The following DNAJC13 variants were observed in gnomAD, a reference collection of about 807,000 sequenced individuals.
DNAJC13 encodes dnaJ homolog subfamily C member 13.
DNAJC13 carries 75 observed loss-of-function variants against 290.5 expected under a neutral mutation model. The observed-to-expected ratio is 0.26, with a 90% CI of 0.21 to 0.31. The LOEUF (loss-of-function observed/expected upper bound fraction) is 0.31, where lower values mean the gene tolerates loss of function less well. Ranked by LOEUF, DNAJC13 falls within the 10% of genes least tolerant of loss-of-function variation. The pLI, the probability that DNAJC13 is intolerant of heterozygous loss-of-function variation, is 1.00. For missense variants in DNAJC13, 2,260 were observed against 2,674.5 expected (o/e 0.85, Z 3.42); for synonymous variants, 862 against 892.0 (o/e 0.97, Z 0.60).
chr3:132,453,566 C>A (rs1230825187), intron 7 of DNAJC13, 33 bp from the exon 8 acceptor site: 1 of 1,608,180 alleles, frequency 6.2e-7, no homozygotes, highest in Non-Finnish European at 8.5e-7. Context: ...TAAAAAATAA[C>A]TTCTTAATAT....
At position 132,483,553 on chromosome 3, in the gene DNAJC13, C is replaced by T; in HGVS notation, c.3158C>T (p.Thr1053Ile). 1 of 1,614,030 alleles carries T rather than the reference C, an allele frequency of 6.2e-7. No homozygotes were observed. The highest frequency in any genetic ancestry group is 8.5e-7 in the Non-Finnish European group (1 of 1,179,946). ...ACCCTTATATTGAACATGTTGATCACAATGTGTGGATATTTTCCAAGCAGG... is the reference window on the plus strand; with the variant it reads ...ACCCTTATATTGAACATGTTGATCATAATGTGTGGATATTTTCCAAGCAGG... The part of the protein sequence containing the change: ...LATLILNMLI[T>I]MCGYFPSRDQ... Residue 1053 changes from threonine to isoleucine, a missense_variant, in exon 28 of 56, where the codon ACA becomes ATA. Physicochemically the swap from Thr to Ile is moderately conservative, Grantham distance 89 (BLOSUM62 -1). This residue lies in a region of DNAJC13 where 1,494 missense variants were observed against 1,693.7 expected (regional missense o/e 0.88). Transcript: ENST00000260818.
chr3:132,524,238 C>T (rs566679902), intron 51 of DNAJC13, among the ~76,000 whole-genome samples: 71 of 152,222 alleles, frequency 4.7e-4, no homozygotes, highest in African/African-American at 1.6e-3. Flanking sequence ...AGCCAAATAC[C>T]GTGATAGTAT....
intron 46 of DNAJC13, among the ~76,000 whole-genome samples, chr3:132,515,791 C>A (rs939778032): frequency 6.6e-6 from 1 of 152,172 alleles, no homozygotes; most frequent in African/African-American, 2.4e-5. Flanking sequence ...TACATTGTTA[C>A]TGTTCTTGTT....
intron 49 of DNAJC13, 63 bp downstream of exon 49, chr3:132,523,060 T>C (rs1335020437): frequency 6.3e-7 from 1 of 1,599,506 alleles, no homozygotes; most frequent in African/African-American, 1.3e-5. Flanking sequence ...AGGGCAAACA[T>C]TTCTTACTGT....
At chr3:132,484,272 GC>G (rs1402284498) in intron 28 of DNAJC13, 4 of 392,722 alleles carry the variant, frequency 1.0e-5, no homozygotes, top group African/African-American at 8.4e-5. Flanking sequence ...AGTTTGATAA[GC>G]CCTTTGGGGG....
chr3:132,507,932 G>A (rs1474506877), intron 43 of DNAJC13, among the ~76,000 whole-genome samples: 1 of 151,986 alleles, frequency 6.6e-6, no homozygotes, highest in African/African-American at 2.4e-5. Flanking sequence ...GGTTAAATAG[G>A]CCGAAAGCTA....
chr3:132,531,150 C>A, intron 55 of DNAJC13, 53 bp downstream of exon 55: 1 of 1,499,942 alleles, frequency 6.7e-7, no homozygotes, highest in Non-Finnish European at 9.3e-7. Flanking sequence ...GCCACTTGGA[C>A]CTTCCTTTTG....
intron 48 of DNAJC13, among the ~76,000 whole-genome samples, chr3:132,522,102 CA>C (rs1936109066): frequency 6.6e-6 from 1 of 152,076 alleles, no homozygotes; most frequent in Non-Finnish European, 1.5e-5. Flanking sequence ...TGTTATGTGC[CA>C]GGGGCTGAGA....
chr3:132,491,470 C>G (rs1197985633), intron 32 of DNAJC13, among the ~76,000 whole-genome samples: 1 of 151,934 alleles, frequency 6.6e-6, no homozygotes, highest in Non-Finnish European at 1.5e-5. Context: ...TGAATCAGAA[C>G]AGAGATACCC....
chr3:132,531,425 CAG>C (rs1288265637), intron 55 of DNAJC13, among the ~76,000 whole-genome samples: 3 of 152,112 alleles, frequency 2.0e-5, no homozygotes, highest in African/African-American at 7.2e-5. Context: ...TGAGGAATAT[CAG>C]TGTCAGAAAC....
intron 32 of DNAJC13, 28 bp downstream of exon 32, chr3:132,491,079 G>C (rs763781880): frequency 1.9e-6 from 3 of 1,550,458 alleles, no homozygotes; most frequent in Non-Finnish European, 2.6e-6. Flanking sequence ...TGATTGATTT[G>C]TATTTTATAA....
intron 6 of DNAJC13, 120 bp downstream of exon 6, chr3:132,450,967 A>T (rs1933398967): frequency 1.7e-6 from 1 of 580,178 alleles, no homozygotes; most frequent in Non-Finnish European, 2.9e-6. Context: ...GAAGTATAAT[A>T]GTCCAGGTTT....
In DNAJC13 at chr3:132,530,980, C is replaced by T; in HGVS notation, c.6526-18C>T. 1.2e-6 allele frequency: 2 copies of T among 1,604,894 alleles called. No individual in the cohort carries two copies. The highest frequency in any genetic ancestry group is 1.1e-5 in the South Asian group (1 of 90,728). ...AGTCCTTGATTTTATGTTCAAAGGGCTTGTTTTACTTTCCTAGGTGAATGA... is the reference window on the plus strand; with the variant it reads ...AGTCCTTGATTTTATGTTCAAAGGGTTTGTTTTACTTTCCTAGGTGAATGA... On this transcript the variant is annotated intron_variant, in intron 54 of 55. Transcript: ENST00000260818.
At chr3:132,422,090 A>G (rs924739947) in intron 1 of DNAJC13, among the ~76,000 whole-genome samples, 3 of 151,148 alleles carry the variant, frequency 2.0e-5, no homozygotes, top group Admixed American at 1.3e-4. Flanking sequence ...GAATGCAGTG[A>G]CACGATCATA....
intron 44 of DNAJC13, 59 bp downstream of exon 44, chr3:132,511,303 C>T: frequency 1.3e-6 from 2 of 1,552,704 alleles, no homozygotes; most frequent in East Asian, 2.3e-5. Flanking sequence ...CTAAAAATTC[C>T]AATAATCAAT....
intron 1 of DNAJC13, among the ~76,000 whole-genome samples, chr3:132,426,884 A>T (rs1001921733): frequency 2.6e-5 from 4 of 152,044 alleles, no homozygotes; most frequent in African/African-American, 7.2e-5. Context: ...GTAAGGAAAC[A>T]GTTCTAACAA....
chr3:132,419,530 G>A (rs1013461500), intron 1 of DNAJC13, among the ~76,000 whole-genome samples: 1 of 152,174 alleles, frequency 6.6e-6, no homozygotes, highest in African/African-American at 2.4e-5. Flanking sequence ...GGTTGATAGT[G>A]GAGTCCGGTT....
At chr3:132,532,876 T>C (rs1044330155) in intron 55 of DNAJC13, among the ~76,000 whole-genome samples, 2 of 138,764 alleles carry the variant, frequency 1.4e-5, no homozygotes, top group African/African-American at 2.8e-5. Context: ...TAGCTGGCAT[T>C]ATAGGCTTGC....
At chr3:132,496,764 T>G in intron 36 of DNAJC13, 101 bp downstream of exon 36, 1 of 1,071,254 alleles carries the variant, frequency 9.3e-7, no homozygotes, top group Non-Finnish European at 1.2e-6. Flanking sequence ...TTAATAGATT[T>G]AGAATTATTG....
Sources: allele counts gnomAD v4.1 joint callset (sites outside exome capture counted in the v4.1 genomes callset), GRCh38; gene constraint gnomAD v4.1.1; regional missense constraint gnomAD v4.1.1; transcripts MANE v1.5; gene names NCBI Gene and HGNC (gene_info 2026-07-23, HGNC 2026-07-21).